Variants in NET1 observed in about 807,000 individuals in gnomAD.
The protein encoded by NET1 is neuroepithelial cell-transforming gene 1 protein.
A neutral mutation model predicts 61.1 loss-of-function variants in NET1; 42 were observed. The observed-to-expected ratio is 0.69, with a 90% CI of 0.54 to 0.89. NET1 has a LOEUF of 0.89. NET1 is among the 40% of genes least tolerant of loss of function. NET1 has a pLI of 0.00. For missense variants in NET1, 654 were observed against 747.3 expected, an observed-to-expected ratio of 0.88 and a Z score of 1.46; for synonymous variants, 254 against 281.8, an observed-to-expected ratio of 0.90 and a Z score of 0.99.
chr10:5,449,472 T>C lies in NET1; in HGVS notation c.256-2358T>C, dbSNP rs1223709675. On this transcript the variant is annotated intron_variant, in intron 3 of 11. Coordinates refer to ENST00000355029, the MANE Select transcript of NET1 (RefSeq NM_001047160.3). The surrounding 1 kb of genome is among the most constrained non-coding windows in gnomAD (Gnocchi z 4.4). ...TTTCCTTTGTGGAGAAGTGGGATTATAGTTGGATTTTTAAAGGACTGTGGA... is the reference window on the plus strand; with the variant it reads ...TTTCCTTTGTGGAGAAGTGGGATTACAGTTGGATTTTTAAAGGACTGTGGA... Among the ~76,000 whole-genome samples, 1 of 152,166 alleles carries C rather than the reference T, an allele frequency of 6.6e-6. No homozygotes were observed. The highest frequency in any genetic ancestry group is 2.4e-5 in the African/African-American group (1 of 41,438).
At position 5,444,848 on chromosome 10, in the gene NET1, G is replaced by A. The variant is rs558609079; in HGVS notation, c.256-6982G>A. ...ATTTTCATTTGCATGTTCTTCCACC[G>A]CCTCACACTCAGTATATCTAAAATG... On this transcript the variant is annotated intron_variant, in intron 3 of 11. Coordinates refer to ENST00000355029, the MANE Select transcript of NET1 (RefSeq NM_001047160.3). The surrounding 1 kb of genome is among the most constrained non-coding windows in gnomAD (Gnocchi z 5.3). Among the ~76,000 whole-genome samples, 4 of 152,104 alleles carry A rather than the reference G, an allele frequency of 2.6e-5. No individual in the cohort carries two copies. The highest frequency in any genetic ancestry group is 7.2e-5 in the African/African-American group (3 of 41,504).
At chr10:5,425,494 C>T (rs1832246074) in intron 1 of NET1, among the ~76,000 whole-genome samples, 2 of 152,174 alleles carry the variant, frequency 1.3e-5, no homozygotes, top group Admixed American at 6.5e-5. Flanking sequence ...CCTAAAATGT[C>T]CAGGACTTCA....
rs1393743058 is a variant in NET1 at position 5,444,181 on chromosome 10, C to G, written c.256-7649C>G. On this transcript the variant is annotated intron_variant, in intron 3 of 11. Transcript: ENST00000355029. This position sits in a 1 kb window ranked among gnomAD's most constrained non-coding sequence, Gnocchi z 5.3. ...AGTCATCCACTCTTAAGGCCAACCA[C>G]ATCACACATACTGCCCAGGACAGAC... Among the ~76,000 whole-genome samples the G allele has an allele frequency of 6.6e-6, 1 of 152,210 alleles. No homozygotes were observed. The highest frequency in any genetic ancestry group is 1.5e-5 in the Non-Finnish European group (1 of 68,034).
Position 5,455,723 on chromosome 10 carries a change from T to G in NET1, c.1198-364T>G, listed in dbSNP as rs1832785661. 6.6e-6 allele frequency among the ~76,000 whole-genome samples: 1 copy of G among 152,224 alleles called. No individual in the cohort carries two copies. On this transcript the variant is annotated intron_variant, in intron 10 of 11. Coordinates refer to ENST00000355029, the MANE Select transcript of NET1 (RefSeq NM_001047160.3). This position sits in a 1 kb window ranked among gnomAD's most constrained non-coding sequence, Gnocchi z 6.5. ...TGGGACAAAATAGAACCATTAACAT[T>G]TTACCAGCTTGCATTTTTAATCCCT... is the stretch of plus-strand genomic sequence containing the variant.
In NET1 at chr10:5,444,528, G is replaced by T. The variant is rs1002147825; in HGVS notation, c.256-7302G>T. On this transcript the variant is annotated intron_variant, in intron 3 of 11. Coordinates refer to ENST00000355029, the MANE Select transcript of NET1 (RefSeq NM_001047160.3). The surrounding 1 kb of genome is among the most constrained non-coding windows in gnomAD (Gnocchi z 5.3). ...CATTAAACTTGTAATCACTAAATCCGTGGCTTTTTTCATACCCTCCTTAAC... is the reference window on the plus strand; with the variant it reads ...CATTAAACTTGTAATCACTAAATCCTTGGCTTTTTTCATACCCTCCTTAAC... Among the ~76,000 whole-genome samples, 1 of 152,036 alleles carries T rather than the reference G, an allele frequency of 6.6e-6. No individual in the cohort carries two copies. The highest frequency in any genetic ancestry group is 1.5e-5 in the Non-Finnish European group (1 of 68,016).
In NET1 at chr10:5,440,702, C is replaced by T. The variant is rs1012701640; in HGVS notation, c.256-11128C>T. On this transcript the variant is annotated intron_variant, in intron 3 of 11. Coordinates refer to ENST00000355029, the MANE Select transcript of NET1 (RefSeq NM_001047160.3). The surrounding 1 kb of genome is among the most constrained non-coding windows in gnomAD (Gnocchi z 4.1). ...AACATTATGAAAGTTCTGTCAGCTG[C>T]TTTTTCAAATCTTTTAAAGCAATTA... is the stretch of plus-strand genomic sequence containing the variant. Among the ~76,000 whole-genome samples the T allele has an allele frequency of 1.3e-5, 2 of 152,178 alleles. No homozygotes were observed. The highest frequency in any genetic ancestry group is 4.8e-5 in the African/African-American group (2 of 41,432).
chr10:5,422,824 A>C lies in NET1; in HGVS notation c.129-3831A>C, dbSNP rs1409430550. 6.6e-6 allele frequency among the ~76,000 whole-genome samples: 1 copy of C among 152,248 alleles called. No homozygotes were observed. The highest frequency in any genetic ancestry group is 1.5e-5 in the Non-Finnish European group (1 of 68,028). On this transcript the variant is annotated intron_variant, in intron 1 of 11. Coordinates refer to ENST00000355029, the MANE Select transcript of NET1 (RefSeq NM_001047160.3). The surrounding 1 kb of genome is among the most constrained non-coding windows in gnomAD (Gnocchi z 4.1). ...ACAGCCAAAACAGTAGTGGATGTCTACTACATCAGATATTTGACCCAAATA... is the reference window on the plus strand; with the variant it reads ...ACAGCCAAAACAGTAGTGGATGTCTCCTACATCAGATATTTGACCCAAATA...
In NET1 at chr10:5,417,725, G is replaced by C. The variant is rs940521075; in HGVS notation, c.128+4905G>C. ...CTGTACAACGCTGAACAGAAGTGGA[G>C]AGACGGGAAATTCTTGTCTTGTTTC... On this transcript the variant is annotated intron_variant, in intron 1 of 11. Coordinates refer to ENST00000355029, the MANE Select transcript of NET1 (RefSeq NM_001047160.3). This position sits in a 1 kb window ranked among gnomAD's most constrained non-coding sequence, Gnocchi z 5.5. Among the ~76,000 whole-genome samples, 1 of 152,178 alleles carries C rather than the reference G, an allele frequency of 6.6e-6. No individual in the cohort carries two copies. The highest frequency in any genetic ancestry group is 1.5e-5 in the Non-Finnish European group (1 of 68,022).
Position 5,422,268 on chromosome 10 carries a change from C to T in NET1, c.129-4387C>T, listed in dbSNP as rs1317284057. Among the ~76,000 whole-genome samples, 6 of 150,932 alleles carry T rather than the reference C, an allele frequency of 4.0e-5. No homozygotes were observed. In the East Asian group the frequency reaches 1.2e-3, roughly 29 times the overall value. ...AGGAGAATCGCTTGAACCCTGGAGG[C>T]GGAGGTTGTAGTGAGCCGAGATCGT... On this transcript the variant is annotated intron_variant, in intron 1 of 11. Coordinates refer to ENST00000355029, the MANE Select transcript of NET1 (RefSeq NM_001047160.3). The surrounding 1 kb of genome is among the most constrained non-coding windows in gnomAD (Gnocchi z 4.1).
Position 5,440,374 on chromosome 10 carries a change from T to C in NET1, c.255+11145T>C, listed in dbSNP as rs772083716. ...CCATAACCATGTAACAAATGCTAGATGATTTGTTGGTCTGCTCCAGTAGAC... is the reference window on the plus strand; with the variant it reads ...CCATAACCATGTAACAAATGCTAGACGATTTGTTGGTCTGCTCCAGTAGAC... On this transcript the variant is annotated intron_variant, in intron 3 of 11. Coordinates refer to ENST00000355029, the MANE Select transcript of NET1 (RefSeq NM_001047160.3). The surrounding 1 kb of genome is among the most constrained non-coding windows in gnomAD (Gnocchi z 4.1). Among the ~76,000 whole-genome samples, 2 of 152,216 alleles carry C rather than the reference T, an allele frequency of 1.3e-5. No individual in the cohort carries two copies. Among genetic ancestry groups the C allele is most frequent in the Admixed American group, 6.5e-5 (1 of 15,288 alleles).
Position 5,451,750 on chromosome 10 carries a change from G to T in NET1, c.256-80G>T, listed in dbSNP as rs1312377371. On this transcript the variant is annotated intron_variant, in intron 3 of 11. Transcript: ENST00000355029. The surrounding 1 kb of genome is among the most constrained non-coding windows in gnomAD (Gnocchi z 6.1). ...ATAATGTACAAAAATTGTTTTGTGAGAGGGCTTTACTTTGTCCAAGTTTGT... is the reference window on the plus strand; with the variant it reads ...ATAATGTACAAAAATTGTTTTGTGATAGGGCTTTACTTTGTCCAAGTTTGT... 1.9e-6 allele frequency: 2 copies of T among 1,041,932 alleles called. No individual in the cohort carries two copies. The allele number at this position is 1,041,932 out of a possible 1,614,324, so 64.5% of individuals were successfully genotyped here. A position where few individuals can be genotyped will look rare whatever the true frequency, so the allele number is the denominator to read the frequency against.
chr10:5,454,552 T>C lies in NET1; in HGVS notation c.1026+30T>C. On this transcript the variant is annotated intron_variant, in intron 9 of 11. Transcript: ENST00000355029. This position sits in a 1 kb window ranked among gnomAD's most constrained non-coding sequence, Gnocchi z 8.1. The stretch of plus-strand genomic sequence containing the variant: ...GTAGTCCCTTAAGTGATTGTTTTGT[T>C]TTTTAAGTTTATACATTAGGCTGCT... 1 of 1,592,534 alleles carries C rather than the reference T, an allele frequency of 6.3e-7. No homozygotes were observed. The highest frequency in any genetic ancestry group is 8.5e-7 in the Non-Finnish European group (1 of 1,171,916).
At chr10:5,436,248 A>ATATATATTTT (rs1564462826) in intron 3 of NET1, among the ~76,000 whole-genome samples, 1 of 18,418 alleles carries the variant, frequency 5.4e-5, no homozygotes, top group Non-Finnish European at 9.3e-5. Flanking sequence ...ATATATATAT[A>ATATATATTTT]TTTTTTTTTT....
chr10:5,429,874 CT>C (rs1168049533), intron 3 of NET1, among the ~76,000 whole-genome samples: 1 of 144,628 alleles, frequency 6.9e-6, no homozygotes, highest in Non-Finnish European at 1.6e-5. Flanking sequence ...TTTGGAGAGT[CT>C]TTTTTTAAGG....
rs1380935307 is a variant in NET1 at position 5,456,891 on chromosome 10, C to T, written c.1688C>T (p.Ala563Val). 6.2e-7 allele frequency: 1 copy of T among 1,614,070 alleles called. No individual in the cohort carries two copies. The highest frequency in any genetic ancestry group is 8.5e-7 in the Non-Finnish European group (1 of 1,179,984). Residue 563 changes from alanine (A) to valine (V), a missense_variant, in exon 12 of 12, where the codon GCA becomes GTA. Transcript: ENST00000355029. This position sits in a 1 kb window ranked among gnomAD's most constrained non-coding sequence, Gnocchi z 7.0. Reference protein sequence around the residue: ...AYRCGSGMQMAEDSKSLKTHQ... With the variant: ...AYRCGSGMQMVEDSKSLKTHQ... ...AGATGTGGCTCTGGCATGCAGATGG[C>T]AGAGGACAGCAAGAGCTTAAAGACA...
At chr10:5,419,706 T>TTG (rs1832138823) in intron 1 of NET1, among the ~76,000 whole-genome samples, 23 of 151,020 alleles carry the variant, frequency 1.5e-4, no homozygotes, top group Admixed American at 5.3e-4. Context: ...TTTTCTTTGT[T>TTG]TTGTTGTTGT....
Position 5,444,448 on chromosome 10 carries a change from G to A in NET1, c.256-7382G>A, listed in dbSNP as rs4881449. Among the ~76,000 whole-genome samples, 986 of 152,184 alleles carry A rather than the reference G, an allele frequency of 6.5e-3. 36 individuals are homozygous for A. In the East Asian group the frequency reaches 0.11, roughly 16 times the overall value. ...ACTATTCTTCTGTATTCACTCTTCA[G>A]CCCCTGTAATTTGCCTCTGTCTTTA... On this transcript the variant is annotated intron_variant, in intron 3 of 11. Transcript: ENST00000355029. This position sits in a 1 kb window ranked among gnomAD's most constrained non-coding sequence, Gnocchi z 5.3.
chr10:5,445,198 C>T (rs1260356374), intron 3 of NET1, among the ~76,000 whole-genome samples: 2 of 152,214 alleles, frequency 1.3e-5, no homozygotes, highest in Non-Finnish European at 2.9e-5. Flanking sequence ...GGCTCACTCC[C>T]TTGTCCTCCT....
Position 5,443,253 on chromosome 10 carries a change from C to G in NET1, c.256-8577C>G, listed in dbSNP as rs1832553441. On this transcript the variant is annotated intron_variant, in intron 3 of 11. Transcript: ENST00000355029. The surrounding 1 kb of genome is among the most constrained non-coding windows in gnomAD (Gnocchi z 4.8). ...GTTAAGCCACTGATTAACAAGGTACCTTTGGACAAGTTTCTTAAACTTGGT... is the reference window on the plus strand; with the variant it reads ...GTTAAGCCACTGATTAACAAGGTACGTTTGGACAAGTTTCTTAAACTTGGT... 6.6e-6 allele frequency among the ~76,000 whole-genome samples: 1 copy of G among 152,180 alleles called. No homozygotes were observed. Among genetic ancestry groups the G allele is most frequent in the Admixed American group, 6.5e-5 (1 of 15,284 alleles).
Sources: allele counts gnomAD v4.1 joint callset (sites outside exome capture counted in the v4.1 genomes callset), GRCh38; gene constraint gnomAD v4.1.1; non-coding constraint Gnocchi (gnomAD v3.1); transcripts MANE v1.5; gene names NCBI Gene and HGNC (gene_info 2026-07-23, HGNC 2026-07-21).